AFG2A: variants seen among roughly 807,000 people sequenced by gnomAD.
The protein encoded by AFG2A is ATPase family gene 2 protein homolog A.
the AFG2A span, among the ~76,000 whole-genome samples, chr4:123,212,733 G>A: frequency 5.9e-5 from 9 of 152,244 alleles, no homozygotes; most frequent in East Asian, 5.8e-4. Context: ...CTGGAGAGCC[G>A]TTTGCATGGA....
the AFG2A span, among the ~76,000 whole-genome samples, chr4:122,958,478 CTCTT>C: frequency 6.6e-6 from 1 of 152,158 alleles, no homozygotes; most frequent in Non-Finnish European, 1.5e-5. Context: ...TTAAATCTAT[CTCTT>C]TCTATTATTT....
the AFG2A span, among the ~76,000 whole-genome samples, chr4:123,129,405 C>G: frequency 2.6e-5 from 4 of 152,128 alleles, no homozygotes; most frequent in Admixed American, 6.5e-5. Context: ...CTAATCTTAG[C>G]TACAAGGTAA....
the AFG2A span, among the ~76,000 whole-genome samples, chr4:123,095,321 C>T: frequency 6.6e-6 from 1 of 151,840 alleles, no homozygotes; most frequent in African/African-American, 2.4e-5. Flanking sequence ...TTTGTTACTA[C>T]TCAGATGATA....
At chr4:123,247,224 CGT>C in the AFG2A span, among the ~76,000 whole-genome samples, 124 of 149,644 alleles carry the variant, frequency 8.3e-4, 1 homozygote, top group Middle Eastern at 3.4e-3. Context: ...TACTTGCGTG[CGT>C]GTGTGTGTGT....
At chr4:123,224,896 C>T in the AFG2A span, among the ~76,000 whole-genome samples, 12 of 152,104 alleles carry the variant, frequency 7.9e-5, no homozygotes, top group Non-Finnish European at 1.5e-4. Context: ...TTATAATGAT[C>T]GCCATTCTAA....
At chr4:123,082,241 T>A in the AFG2A span, among the ~76,000 whole-genome samples, 3 of 152,146 alleles carry the variant, frequency 2.0e-5, no homozygotes, top group African/African-American at 7.2e-5. Context: ...TATGCTGTCT[T>A]CTAGGTGTTT....
the AFG2A span, among the ~76,000 whole-genome samples, chr4:123,032,971 G>T: frequency 6.6e-6 from 1 of 152,110 alleles, no homozygotes; most frequent in South Asian, 2.1e-4. Flanking sequence ...TATGACTTAG[G>T]ATATTTTCAA....
chr4:123,286,969 T>A, the AFG2A span, among the ~76,000 whole-genome samples: 2 of 152,110 alleles, frequency 1.3e-5, no homozygotes, highest in African/African-American at 2.4e-5. Flanking sequence ...AGAAAGCCTT[T>A]ATGGATCACC....
chr4:123,029,866 G>GGCCTT, the AFG2A span, among the ~76,000 whole-genome samples: 6 of 152,006 alleles, frequency 3.9e-5, no homozygotes, highest in African/African-American at 1.4e-4. Context: ...TCAAACTCCT[G>GGCCTT]GCCTCAAGCA....
chr4:123,263,559 A>G, the AFG2A span, among the ~76,000 whole-genome samples: 1 of 151,772 alleles, frequency 6.6e-6, no homozygotes, highest in East Asian at 1.9e-4. Flanking sequence ...AATTGGGACT[A>G]TTAAAGATGT....
chr4:123,180,464 A>G, the AFG2A span, among the ~76,000 whole-genome samples: 1 of 152,196 alleles, frequency 6.6e-6, no homozygotes, highest in Non-Finnish European at 1.5e-5. Context: ...TGTTTCTAGT[A>G]GGTATAAACT....
the AFG2A span, among the ~76,000 whole-genome samples, chr4:122,988,438 C>T: frequency 4.8e-5 from 7 of 145,132 alleles, no homozygotes; most frequent in African/African-American, 1.8e-4. Flanking sequence ...CTCACTCTGT[C>T]ACCAGGCTGG....
At chr4:123,010,300 C>G in the AFG2A span, among the ~76,000 whole-genome samples, 1 of 152,324 alleles carries the variant, frequency 6.6e-6, no homozygotes, top group East Asian at 1.9e-4. Context: ...GGAAGCTATA[C>G]TTGACTTAGA....
At chr4:123,120,527 T>C in the AFG2A span, among the ~76,000 whole-genome samples, 2 of 152,310 alleles carry the variant, frequency 1.3e-5, no homozygotes, top group Non-Finnish European at 2.9e-5. Flanking sequence ...GACTGAGTTT[T>C]GGTGAGTGAG....
At chr4:123,186,097 T>C in the AFG2A span, among the ~76,000 whole-genome samples, 1 of 152,316 alleles carries the variant, frequency 6.6e-6, no homozygotes, top group East Asian at 1.9e-4. Flanking sequence ...TGCTAAGCTT[T>C]GGATCATAAG....
the AFG2A span, among the ~76,000 whole-genome samples, chr4:123,196,940 A>G: frequency 3.9e-5 from 6 of 152,194 alleles, no homozygotes; most frequent in Admixed American, 3.9e-4. Context: ...ACACAGAATG[A>G]TGTCCTTCAG....
chr4:123,050,808 T>A, the AFG2A span, among the ~76,000 whole-genome samples: 25 of 151,206 alleles, frequency 1.7e-4, no homozygotes, highest in African/African-American at 6.1e-4. Context: ...GCAGTGGCAC[T>A]CTCTCGGCTC....
chr4:123,112,834 G>C, the AFG2A span, among the ~76,000 whole-genome samples: 3 of 151,806 alleles, frequency 2.0e-5, no homozygotes, highest in Non-Finnish European at 4.4e-5. Context: ...TGAGTTTGCT[G>C]TTTACTTTTG....
the AFG2A span, among the ~76,000 whole-genome samples, chr4:123,067,131 A>G: frequency 6.6e-6 from 1 of 152,148 alleles, no homozygotes; most frequent in South Asian, 2.1e-4. Context: ...GAAAATTATC[A>G]TAAGTAATGC....
Sources: gnomAD v4.1 joint callset for allele counts (sites outside exome capture counted in the v4.1 genomes callset) on GRCh38, gnomAD v4.1.1 for gene constraint, MANE v1.5 for transcripts, NCBI Gene and HGNC (gene_info 2026-07-23, HGNC 2026-07-21) for gene names.